L3MBTL2: variants seen among roughly 807,000 people sequenced by gnomAD.
L3MBTL2 encodes lethal(3)malignant brain tumor-like protein 2.
Under a neutral mutation model 86.4 loss-of-function variants are expected in L3MBTL2, and 49 were observed. The ratio of observed to expected loss-of-function variants is 0.57; its 90% CI spans 0.45 to 0.72. The LOEUF is 0.72. Among genes scored for constraint, L3MBTL2 ranks in the 30% least tolerant of loss-of-function variants. The pLI, the probability that L3MBTL2 is intolerant of heterozygous loss-of-function variation, is 0.00. For missense variants in L3MBTL2, 755 were observed against 923.7 expected (o/e 0.82, Z 2.37); for synonymous variants, 336 against 350.6 (o/e 0.96, Z 0.47).
Position 41,225,961 on chromosome 22 carries a change from C to G in L3MBTL2, c.1504+20C>G, listed in dbSNP as rs1221576368. ...CAAAAGGTAAGACTAGAGAGGCCAC[C>G]ACCTGCTGTCCTTGCCATCAGAAGG... On this transcript the variant is annotated intron_variant, in intron 12 of 16. Coordinates refer to ENST00000216237, the MANE Select transcript of L3MBTL2 (RefSeq NM_031488.5). The surrounding 1 kb of genome is among the most constrained non-coding windows in gnomAD (Gnocchi z 4.1). The G allele has an allele frequency of 9.9e-6, 16 of 1,611,898 alleles. No individual in the cohort carries two copies. The highest frequency in any genetic ancestry group is 1.3e-5 in the African/African-American group (1 of 74,928).
rs1284135079 is a variant in L3MBTL2, at chr22:41,219,383, A to C, written c.601-36A>C. On this transcript the variant is annotated intron_variant, in intron 5 of 16. Coordinates refer to ENST00000216237, the MANE Select transcript of L3MBTL2 (RefSeq NM_031488.5). ...GTCTGTCTCCCCTGCTAGCACAGTT[A>C]GCTCACTCTCTCGGTACACTCTCAT... The C allele has an allele frequency of 2.7e-6, 4 of 1,492,650 alleles. No homozygotes were observed. In the African/African-American group the frequency reaches 5.5e-5, roughly 21 times the overall value. 92.5% of individuals were successfully genotyped at this position (1,492,650 alleles called of 1,614,324 possible). A position where few individuals can be genotyped will look rare whatever the true frequency, so the allele number is the denominator to read the frequency against.
intron 1 of L3MBTL2, among the ~76,000 whole-genome samples, chr22:41,207,198 A>G (rs1036914396): frequency 2.7e-5 from 4 of 148,066 alleles, no homozygotes; most frequent in African/African-American, 5.0e-5. Flanking sequence ...CTATTCTGAG[A>G]GCTTTGCCTG....
chr22:41,224,012 C>T lies in L3MBTL2; in HGVS notation c.943-8C>T, dbSNP rs763397714. 30 of 1,610,862 alleles carry T rather than the reference C, an allele frequency of 1.9e-5. No homozygotes were observed. The highest frequency in any genetic ancestry group is 2.3e-5 in the Non-Finnish European group (27 of 1,177,218). ...CCATAGCAGGCCTGTGTTCTGACGT[C>T]GTTTCAGATGGTGGAGAGCATGAAG... On this transcript the variant is annotated splice_polypyrimidine_tract_variant and splice_region_variant and intron_variant, in intron 8 of 16. Transcript: ENST00000216237. The surrounding 1 kb of genome is among the most constrained non-coding windows in gnomAD (Gnocchi z 4.9).
chr22:41,223,607 A>C (rs1167828040), intron 8 of L3MBTL2, among the ~76,000 whole-genome samples: 1 of 152,238 alleles, frequency 6.6e-6, no homozygotes, highest in Non-Finnish European at 1.5e-5. Context: ...CAGAGTGCAG[A>C]GCCCATGAGG....
At position 41,224,299 on chromosome 22, in the gene L3MBTL2, G is replaced by A. The variant is rs2032036758; in HGVS notation, c.1174+48G>A. ...GGGACTGCATGCTGTGCTTCCCCAGGGACGGAGTGGGAGCACCTTCCTACT... is the reference window on the plus strand; with the variant it reads ...GGGACTGCATGCTGTGCTTCCCCAGAGACGGAGTGGGAGCACCTTCCTACT... On this transcript the variant is annotated intron_variant, in intron 9 of 16. Transcript: ENST00000216237. The surrounding 1 kb of genome is among the most constrained non-coding windows in gnomAD (Gnocchi z 4.9). 1 of 1,472,212 alleles carries A rather than the reference G, an allele frequency of 6.8e-7. No individual in the cohort carries two copies. Among genetic ancestry groups the A allele is most frequent in the Non-Finnish European group, 9.4e-7 (1 of 1,064,168 alleles). 91.2% of individuals were successfully genotyped at this position (1,472,212 alleles called of 1,614,324 possible).
chr22:41,229,617 G>A lies in L3MBTL2; in HGVS notation c.1966G>A (p.Gly656Ser). 6.2e-7 allele frequency: 1 copy of A among 1,613,896 alleles called. No homozygotes were observed. Among genetic ancestry groups the A allele is most frequent in the Non-Finnish European group, 8.5e-7 (1 of 1,179,940 alleles). The change falls in exon 16 of 17, where the codon GGT becomes AGT. Residue 656 changes from glycine to serine, a missense_variant. This residue lies in a region of L3MBTL2 where 634 missense variants were observed against 748.9 expected (regional missense o/e 0.85). Transcript: ENST00000216237. ...KKPLLEDDPQ[G>S]ARKISSEPVP... ...GCCCCTGCTGGAGGACGACCCTCAG[G>A]GTGCCAGGAAGATCTCGTCGGAGCC...
Position 41,224,189 on chromosome 22 carries a change from G to T in L3MBTL2, c.1112G>T (p.Trp371Leu). ...GACGACGACTTCTGGTGCCACATGTGGAGCCCCCTGATCCACCCAGTGGGT... is the reference window on the plus strand; with the variant it reads ...GACGACGACTTCTGGTGCCACATGTTGAGCCCCCTGATCCACCCAGTGGGT... ...DSDDDFWCHM[W>L]SPLIHPVGWS... is the part of the protein sequence containing the mutation. The change falls in exon 9 of 17, where the codon TGG (tryptophan) becomes TTG (leucine). Residue 371 changes from tryptophan (W) to leucine (L), a missense_variant. Around this residue, in one of 3 missense-constraint regions of L3MBTL2, gnomAD observed 634 missense variants for 748.9 expected, o/e 0.85. Coordinates refer to ENST00000216237, the MANE Select transcript of L3MBTL2 (RefSeq NM_031488.5). This position sits in a 1 kb window ranked among gnomAD's most constrained non-coding sequence, Gnocchi z 4.9. 6.2e-7 allele frequency: 1 copy of T among 1,614,048 alleles called. No individual in the cohort carries two copies. The highest frequency in any genetic ancestry group is 2.2e-5 in the East Asian group (1 of 44,876).
In L3MBTL2 at chr22:41,230,234, C is replaced by T; in HGVS notation, c.2101C>T (p.Gln701Ter). 1 of 1,613,726 alleles carries T rather than the reference C, an allele frequency of 6.2e-7. No homozygotes were observed. Among genetic ancestry groups the T allele is most frequent in the Non-Finnish European group, 8.5e-7 (1 of 1,179,884 alleles). Residue 701 changes from glutamine to a stop codon, truncating the protein, a stop_gained, in exon 17 of 17, where the codon CAG becomes TAG. Transcript: ENST00000216237. LOFTEE classifies it high-confidence loss of function. ...ELPVSVENIK[Q>*]ETDD ...GCCTGTCTCCGTCGAGAACATCAAG[C>T]AGGAAACAGACGACTGAGCCTTCCT...
In L3MBTL2 at chr22:41,220,373, G is replaced by T. The variant is rs185019076; in HGVS notation, c.719-361G>T. On this transcript the variant is annotated intron_variant, in intron 6 of 16. Coordinates refer to ENST00000216237, the MANE Select transcript of L3MBTL2 (RefSeq NM_031488.5). ...TGCCAGAAGTCCAGCTTAGGCTAGA[G>T]AAAAGAGAAGGCTTAAGAACATACC... Among the ~76,000 whole-genome samples the T allele has an allele frequency of 2.3e-3, 343 of 152,182 alleles. 2 individuals carry two copies. Among genetic ancestry groups the T allele is most frequent in the Non-Finnish European group, 3.4e-3 (231 of 68,012 alleles).
rs2032124066 is a variant in L3MBTL2 at position 41,225,565 on chromosome 22, G to T, written c.1357-229G>T. Among the ~76,000 whole-genome samples the T allele has an allele frequency of 1.3e-5, 2 of 152,192 alleles. No individual in the cohort carries two copies. Among genetic ancestry groups the T allele is most frequent in the Non-Finnish European group, 1.5e-5 (1 of 68,032 alleles). Reference sequence around the variant, plus strand: ...AACACGGTCCAACAGGATGGACGCGGCCCCTGCTGGCGTGGTGTTTGCTGT... The same window carrying T: ...AACACGGTCCAACAGGATGGACGCGTCCCCTGCTGGCGTGGTGTTTGCTGT... On this transcript the variant is annotated intron_variant, in intron 11 of 16. Transcript: ENST00000216237. This position sits in a 1 kb window ranked among gnomAD's most constrained non-coding sequence, Gnocchi z 4.1.
chr22:41,208,808 A>G (rs764604202), intron 1 of L3MBTL2, among the ~76,000 whole-genome samples: 44 of 152,110 alleles, frequency 2.9e-4, no homozygotes, highest in Non-Finnish European at 5.9e-4. Flanking sequence ...CAGTGGCGCG[A>G]TCTTAGCTCG....
At position 41,206,547 on chromosome 22, in the gene L3MBTL2, C is replaced by G. The variant is rs187354742; in HGVS notation, c.24+1161C>G. On this transcript the variant is annotated intron_variant, in intron 1 of 16. Transcript: ENST00000216237. ...GGTGCGGTGGCTCACGCCTGTAATCCCAGCACTTTGGGAGGCCGAGGCGGG... is the reference window on the plus strand; with the variant it reads ...GGTGCGGTGGCTCACGCCTGTAATCGCAGCACTTTGGGAGGCCGAGGCGGG... 6.2e-3 allele frequency among the ~76,000 whole-genome samples: 939 copies of G among 152,020 alleles called. 9 individuals are homozygous for G. The highest frequency in any genetic ancestry group is 0.022 in the African/African-American group (894 of 41,500).
chr22:41,230,296 C>A lies in L3MBTL2; in HGVS notation c.*45C>A. 2 of 1,404,584 alleles carry A rather than the reference C, an allele frequency of 1.4e-6. No homozygotes were observed. The highest frequency in any genetic ancestry group is 2.0e-6 in the Non-Finnish European group (2 of 991,100). 87.0% of individuals were successfully genotyped at this position (1,404,584 alleles called of 1,614,324 possible). A position where few individuals can be genotyped will look rare whatever the true frequency, so the allele number is the denominator to read the frequency against. ...GGCTTCTAGCTGGAAGCCAGCCCAG[C>A]GTTTCTCTACCACCACCACCATGCC... On this transcript the variant is annotated 3_prime_UTR_variant, in exon 17 of 17. Coordinates refer to ENST00000216237, the MANE Select transcript of L3MBTL2 (RefSeq NM_031488.5).
chr22:41,231,094 G>A lies in L3MBTL2; in HGVS notation c.*843G>A, dbSNP rs755897385. ...CTGGAGCCTCTAGAGAGCTGGGCTT[G>A]TATGTTCTTTTGGCCTTTTGTTCCT... On this transcript the variant is annotated 3_prime_UTR_variant, in exon 17 of 17. Transcript: ENST00000216237. 3 of 152,202 alleles carry A rather than the reference G, an allele frequency of 2.0e-5. No homozygotes were observed. The highest frequency in any genetic ancestry group is 1.9e-4 in the East Asian group (1 of 5,200). The allele number at this position is 152,202 out of a possible 1,614,324, so 9.4% of individuals were successfully genotyped here.
chr22:41,224,719 C>G lies in L3MBTL2; in HGVS notation c.1175-6C>G. 6.2e-7 allele frequency: 1 copy of G among 1,611,946 alleles called. No homozygotes were observed. Among genetic ancestry groups the G allele is most frequent in the Middle Eastern group, 1.7e-4 (1 of 6,052 alleles). ...CTCCCTCATTCCCTATCCATCTCCT[C>G]CAAAGAGAGGCGAAGTGACATGGCC... is the stretch of plus-strand genomic sequence containing the variant. On this transcript the variant is annotated splice_region_variant and splice_polypyrimidine_tract_variant and intron_variant, in intron 9 of 16. Coordinates refer to ENST00000216237, the MANE Select transcript of L3MBTL2 (RefSeq NM_031488.5). This position sits in a 1 kb window ranked among gnomAD's most constrained non-coding sequence, Gnocchi z 4.9.
chr22:41,214,160 A>G, intron 3 of L3MBTL2, 134 bp downstream of exon 3: 1 of 871,528 alleles, frequency 1.1e-6, no homozygotes, highest in Non-Finnish European at 1.8e-6. Flanking sequence ...TTATGTTCTC[A>G]AACTTCAGAG....
intron 2 of L3MBTL2, among the ~76,000 whole-genome samples, chr22:41,211,048 C>A (rs772566184): frequency 5.9e-5 from 9 of 152,074 alleles, no homozygotes; most frequent in Non-Finnish European, 1.3e-4. Flanking sequence ...AGATGAGAAT[C>A]CCTATGGATC....
At chr22:41,219,311 G>A (rs1299060684) in intron 5 of L3MBTL2, 108 bp from the exon 6 acceptor site, 3 of 778,436 alleles carry the variant, frequency 3.9e-6, no homozygotes, top group Non-Finnish European at 4.6e-6. Flanking sequence ...AGTGGGTGAT[G>A]TGAAAAGTTG....
In L3MBTL2 at chr22:41,219,367, C is replaced by T. The variant is rs184632106; in HGVS notation, c.601-52C>T. Reference sequence around the variant, plus strand: ...CTGAGGCCGTGAGGCAGTCTGTCTCCCCTGCTAGCACAGTTAGCTCACTCT... The same window carrying T: ...CTGAGGCCGTGAGGCAGTCTGTCTCTCCTGCTAGCACAGTTAGCTCACTCT... On this transcript the variant is annotated intron_variant, in intron 5 of 16. Coordinates refer to ENST00000216237, the MANE Select transcript of L3MBTL2 (RefSeq NM_031488.5). 4.1e-4 allele frequency: 561 copies of T among 1,376,822 alleles called. 6 individuals carry two copies. In the African/African-American group the frequency reaches 6.9e-3, roughly 17 times the overall value. The allele number at this position is 1,376,822 out of a possible 1,614,324, so 85.3% of individuals were successfully genotyped here. A position where few individuals can be genotyped will look rare whatever the true frequency, so the allele number is the denominator to read the frequency against.
Sources: allele counts gnomAD v4.1 joint callset (sites outside exome capture counted in the v4.1 genomes callset), GRCh38; gene constraint gnomAD v4.1.1; regional missense constraint gnomAD v4.1.1; non-coding constraint Gnocchi (gnomAD v3.1); transcripts MANE v1.5; gene names NCBI Gene and HGNC (gene_info 2026-07-23, HGNC 2026-07-21).